Variants in FAM135A observed in about 807,000 individuals in gnomAD.
The protein encoded by FAM135A is protein FAM135A.
Under a neutral mutation model 146.8 loss-of-function variants are expected in FAM135A, and 79 were observed. The observed-to-expected ratio is 0.54, with a 90% confidence interval of 0.45 to 0.65. The LOEUF is 0.65. Among genes scored for constraint, FAM135A ranks in the 30% least tolerant of loss-of-function variants. The probability of loss-of-function intolerance (pLI) is 0.00; values close to 1 mark genes in which losing one functional copy is unlikely to be tolerated. For missense variants in FAM135A, 1,623 were observed against 1,758.2 expected (o/e 0.92, Z 1.38); for synonymous variants, 562 against 603.6 (o/e 0.93, Z 1.01).
intron 4 of FAM135A, among the ~76,000 whole-genome samples, chr6:70,435,697 A>G (rs1353044641): frequency 6.6e-6 from 1 of 152,094 alleles, no homozygotes; most frequent in Non-Finnish European, 1.5e-5. Flanking sequence ...ACAGTTTTTA[A>G]CAAAATTATC....
chr6:70,444,018 C>T (rs776867636), intron 4 of FAM135A, among the ~76,000 whole-genome samples: 4 of 152,206 alleles, frequency 2.6e-5, no homozygotes, highest in Non-Finnish European at 5.9e-5. Context: ...TAGCCCACCA[C>T]AACTCTTAAA....
intron 4 of FAM135A, among the ~76,000 whole-genome samples, chr6:70,432,872 ATAACT>A (rs371256261): frequency 4.0e-4 from 61 of 152,102 alleles, no homozygotes; most frequent in East Asian, 3.7e-3. Flanking sequence ...ATTTAAGATG[ATAACT>A]TAATAAGAAA....
At chr6:70,414,802 G>T (rs988031136) in intron 1 of FAM135A, among the ~76,000 whole-genome samples, 1 of 152,098 alleles carries the variant, frequency 6.6e-6, no homozygotes, top group Non-Finnish European at 1.5e-5. Flanking sequence ...TGGCATGCCT[G>T]GGAAAGCAAC....
At chr6:70,521,048 G>A (rs766012306) in intron 12 of FAM135A, among the ~76,000 whole-genome samples, 5 of 152,002 alleles carry the variant, frequency 3.3e-5, no homozygotes, top group Non-Finnish European at 7.4e-5. Flanking sequence ...TTGTGTCTTT[G>A]TTTCCTCACC....
At chr6:70,489,955 T>G (rs1307403256) in intron 10 of FAM135A, among the ~76,000 whole-genome samples, 2 of 152,128 alleles carry the variant, frequency 1.3e-5, no homozygotes, top group Non-Finnish European at 2.9e-5. Context: ...GGGCGACATC[T>G]CCAGGACTTC....
rs1374935385 is a variant in FAM135A at position 70,477,322 on chromosome 6, C to T, written c.532C>T (p.Pro178Ser). The part of the protein sequence containing the change: ...VHASLVALHQ[P>S]LISFPRPVKT... ...TGCATCATTGGTTGCACTACACCAG[C>T]CACTAATAAGGTAAATTTGACTAAT... The change falls in exon 8 of 22, where the codon CCA (proline) becomes TCA (serine). Residue 178 changes from proline to serine, a missense_variant. Around this residue, in one of 7 missense-constraint regions of FAM135A, gnomAD observed 16 missense variants for 39.0 expected, o/e 0.41. Transcript: ENST00000418814. The T allele has an allele frequency of 1.2e-6, 2 of 1,612,092 alleles. No individual in the cohort carries two copies. The highest frequency in any genetic ancestry group is 1.7e-6 in the Non-Finnish European group (2 of 1,179,088).
intron 4 of FAM135A, among the ~76,000 whole-genome samples, chr6:70,444,394 CTG>C (rs1775241938): frequency 6.7e-6 from 1 of 149,070 alleles, no homozygotes; most frequent in African/African-American, 2.6e-5. Context: ...CAGAGTAAGT[CTG>C]TGTCTCAAAA....
intron 4 of FAM135A, among the ~76,000 whole-genome samples, chr6:70,444,248 C>G (rs1775206846): frequency 6.6e-6 from 1 of 151,970 alleles, no homozygotes; most frequent in Non-Finnish European, 1.5e-5. Context: ...GCTAAAAATA[C>G]AAAAATTAGC....
intron 18 of FAM135A, among the ~76,000 whole-genome samples, chr6:70,535,719 T>C (rs1796663966): frequency 6.6e-6 from 1 of 152,238 alleles, no homozygotes; most frequent in Non-Finnish European, 1.5e-5. Context: ...ATAAATATTA[T>C]TCTTTTTGCA....
In FAM135A at chr6:70,475,734, G is replaced by A. The variant is rs1395666678; in HGVS notation, c.368+1G>A. ...TACACTTCACAGATGGAGATTATTC[G>A]TAAGTAGCTAATCAATTAAAAAACC... On this transcript the variant is annotated splice_donor_variant, in intron 7 of 21. Coordinates refer to ENST00000418814, the MANE Select transcript of FAM135A (RefSeq NM_001162529.3). LOFTEE classifies it high-confidence loss of function. The A allele has an allele frequency of 5.0e-6, 8 of 1,602,086 alleles. No individual in the cohort carries two copies. Among genetic ancestry groups the A allele is most frequent in the Admixed American group, 1.7e-5 (1 of 58,552 alleles).
chr6:70,416,032 CT>C (rs1372975208), intron 2 of FAM135A, among the ~76,000 whole-genome samples: 1 of 152,056 alleles, frequency 6.6e-6, no homozygotes, highest in Admixed American at 6.5e-5. Flanking sequence ...TCAAACATTT[CT>C]TTTTTAAATT....
At chr6:70,490,996 A>G (rs1785789950) in intron 10 of FAM135A, 38 bp from the exon 11 acceptor site, 1 of 1,446,642 alleles carries the variant, frequency 6.9e-7, no homozygotes, top group Middle Eastern at 2.0e-4. Flanking sequence ...TTAAATATCT[A>G]ACATTGGAAT....
At chr6:70,542,276 A>ACACACACACC (rs1242891663) in intron 20 of FAM135A, among the ~76,000 whole-genome samples, 37 of 149,130 alleles carry the variant, frequency 2.5e-4, no homozygotes, top group African/African-American at 8.6e-4. Context: ...ACACACACAC[A>ACACACACACC]CCCTTTGCTG....
At chr6:70,522,208 C>T (rs978025476) in intron 12 of FAM135A, among the ~76,000 whole-genome samples, 2 of 152,176 alleles carry the variant, frequency 1.3e-5, no homozygotes, top group Admixed American at 6.5e-5. Flanking sequence ...TGAGGCACCA[C>T]GCCTGGCCCA....
intron 20 of FAM135A, among the ~76,000 whole-genome samples, chr6:70,554,793 AATTTTTGT>A (rs1800518009): frequency 6.6e-6 from 1 of 152,012 alleles, no homozygotes; most frequent in African/African-American, 2.4e-5. Flanking sequence ...ATGCCTAGCT[AATTTTTGT>A]ATTTTTGGTA....
chr6:70,425,778 C>T (rs114043353), intron 2 of FAM135A, among the ~76,000 whole-genome samples: 2,871 of 152,290 alleles, frequency 0.019, 95 homozygotes, highest in African/African-American at 0.065. Context: ...CAGGGAGTTA[C>T]TTTAAAATGG....
intron 20 of FAM135A, among the ~76,000 whole-genome samples, chr6:70,555,391 G>C (rs1423396015): frequency 2.0e-5 from 3 of 152,076 alleles, no homozygotes; most frequent in Non-Finnish European, 4.4e-5. Flanking sequence ...TCAGCCTCCT[G>C]AGTGAGACTA....
At chr6:70,493,230 A>G (rs910553289) in intron 11 of FAM135A, among the ~76,000 whole-genome samples, 10 of 152,230 alleles carry the variant, frequency 6.6e-5, no homozygotes, top group Admixed American at 2.0e-4. Context: ...GATTTCATAT[A>G]GTATGTTAAA....
At chr6:70,494,190 A>G (rs1786704352) in intron 11 of FAM135A, among the ~76,000 whole-genome samples, 1 of 152,196 alleles carries the variant, frequency 6.6e-6, no homozygotes, top group South Asian at 2.1e-4. Context: ...TATAATTGAA[A>G]AAAACTTGAA....
Sources: allele counts gnomAD v4.1 joint callset (sites outside exome capture counted in the v4.1 genomes callset), GRCh38; gene constraint gnomAD v4.1.1; regional missense constraint gnomAD v4.1.1; transcripts MANE v1.5; gene names NCBI Gene and HGNC (gene_info 2026-07-23, HGNC 2026-07-21).